The following SLC26A11 variants were observed in gnomAD, a reference collection of about 807,000 sequenced individuals.
SLC26A11 encodes solute carrier family 26 member 11.
In SLC26A11, 58 loss-of-function variants were observed where a neutral mutation model predicts 62.2. The ratio of observed to expected loss-of-function variants is 0.93; its 90% CI spans 0.76 to 1.16. SLC26A11 has a LOEUF of 1.16. Among genes scored for constraint, SLC26A11 ranks in the 50% most tolerant of loss-of-function variants. SLC26A11 has a pLI of 0.00. For missense variants in SLC26A11, 790 were observed against 794.3 expected (o/e 0.99, Z 0.06); for synonymous variants, 411 against 368.9 (o/e 1.11, Z -1.31).
At chr17:80,226,287 TAAG>T (rs1450545492) in intron 6 of SLC26A11, among the ~76,000 whole-genome samples, 1 of 152,142 alleles carries the variant, frequency 6.6e-6, no homozygotes, top group East Asian at 1.9e-4. Flanking sequence ...TGTGATTTGT[TAAG>T]GAGGAGAACA....
chr17:80,235,480 C>G lies in SLC26A11; in HGVS notation c.737-1448C>G, dbSNP rs771073088. 1.6e-3 allele frequency among the ~76,000 whole-genome samples: 251 copies of G among 152,160 alleles called. 2 individuals are homozygous for G. Among genetic ancestry groups the G allele is most frequent in the Non-Finnish European group, 2.7e-3 (182 of 68,034 alleles). On this transcript the variant is annotated intron_variant, in intron 7 of 17. Transcript: ENST00000361193. ...CAAGTTATCATCTCACCTCAGCCCC[C>G]CAAGTAGCTGGGACTATAGGCATAT...
At chr17:80,238,522 CTGTTT>C (rs1235733789) in intron 9 of SLC26A11, among the ~76,000 whole-genome samples, 5 of 152,196 alleles carry the variant, frequency 3.3e-5, no homozygotes, top group Non-Finnish European at 5.9e-5. Context: ...CCTTCAGTGT[CTGTTT>C]TGAGTCAGCA....
chr17:80,235,323 C>G (rs111392274), intron 7 of SLC26A11, among the ~76,000 whole-genome samples: 1 of 151,802 alleles, frequency 6.6e-6, no homozygotes, highest in Non-Finnish European at 1.5e-5. Flanking sequence ...ATTCTGTCAT[C>G]TTTAACTATG....
rs1394625351 is a variant in SLC26A11 at position 80,248,594 on chromosome 17, TGGTCCTGCAGCC to T, written c.1445_1456del (p.Val482_Pro485del). 10 of 1,586,542 alleles carry T rather than the reference TGGTCCTGCAGCC, an allele frequency of 6.3e-6. No individual in the cohort carries two copies. The highest frequency in any genetic ancestry group is 1.3e-5 in the African/African-American group (1 of 74,284). Reference sequence around the variant, plus strand: ...CCACAGGTGTCAGAGGGGCCGGTTCTGGTCCTGCAGCCGGCCAGCGGCCTGTCCTTCCCTGCC... The same window carrying T: ...CCACAGGTGTCAGAGGGGCCGGTTCTGGCCAGCGGCCTGTCCTTCCCTGCC... On this transcript the variant is annotated inframe_deletion, in exon 15 of 18. Coordinates refer to ENST00000361193, the MANE Select transcript of SLC26A11 (RefSeq NM_001166347.2).
At chr17:80,247,268 C>T (rs569711000) in intron 13 of SLC26A11, among the ~76,000 whole-genome samples, 13 of 152,060 alleles carry the variant, frequency 8.5e-5, no homozygotes, top group South Asian at 8.3e-4. Flanking sequence ...GGCAACCATC[C>T]GATTTCTCAA....
Position 80,246,547 on chromosome 17 carries a change from C to T in SLC26A11, c.1192C>T (p.Leu398=), listed in dbSNP as rs770639202. The T allele has an allele frequency of 6.8e-6, 11 of 1,613,410 alleles. No individual in the cohort carries two copies. In the African/African-American group the frequency reaches 8.0e-5, roughly 12 times the overall value. ...GCTGTCTCTGGACTACCTGACCTCA[C>T]TGTTCTACTACATCCCCAAGTCTGC... ...VLLSLDYLTS[L]FYYIPKSALA... Residue 398 remains leucine (L), a synonymous_variant, in exon 13 of 18, where the codon CTG becomes TTG. Transcript: ENST00000361193. This position sits in a 1 kb window ranked among gnomAD's most constrained non-coding sequence, Gnocchi z 4.4.
chr17:80,236,859 T>A, intron 7 of SLC26A11, 69 bp from the exon 8 acceptor site: 1 of 1,528,912 alleles, frequency 6.5e-7, no homozygotes, highest in Non-Finnish European at 8.9e-7. Flanking sequence ...CCCAGTAACC[T>A]GGAGGCAGCC....
chr17:80,244,561 G>A (rs1237926782), intron 10 of SLC26A11, among the ~76,000 whole-genome samples: 3 of 152,238 alleles, frequency 2.0e-5, no homozygotes, highest in Non-Finnish European at 4.4e-5. Context: ...CTAGGATCTT[G>A]CCAGGCATGG....
rs537218999 is a variant in SLC26A11, at chr17:80,246,492, G to A, written c.1154-17G>A. Reference sequence around the variant, plus strand: ...ACCCTGCACTCCCGAGGTCACCTGTGTTCCCGTGCCCCGCAGGAGTGCTGG... The same window carrying A: ...ACCCTGCACTCCCGAGGTCACCTGTATTCCCGTGCCCCGCAGGAGTGCTGG... On this transcript the variant is annotated splice_polypyrimidine_tract_variant and intron_variant, in intron 12 of 17. Transcript: ENST00000361193. The surrounding 1 kb of genome is among the most constrained non-coding windows in gnomAD (Gnocchi z 4.4). 3 of 1,607,994 alleles carry A rather than the reference G, an allele frequency of 1.9e-6. No individual in the cohort carries two copies. Among genetic ancestry groups the A allele is most frequent in the African/African-American group, 2.7e-5 (2 of 75,054 alleles).
chr17:80,232,429 GT>G (rs1210634860), intron 7 of SLC26A11, among the ~76,000 whole-genome samples: 1 of 151,906 alleles, frequency 6.6e-6, no homozygotes, highest in Admixed American at 6.6e-5. Context: ...TAATTTTTGT[GT>G]TTTTAGTAGC....
chr17:80,226,374 A>C (rs1277758754), intron 6 of SLC26A11, among the ~76,000 whole-genome samples: 1 of 152,058 alleles, frequency 6.6e-6, no homozygotes, highest in African/African-American at 2.4e-5. Flanking sequence ...ATGAGAGATG[A>C]GGCGACCCAA....
chr17:80,241,911 A>G, intron 10 of SLC26A11, 90 bp downstream of exon 10: 2 of 1,385,782 alleles, frequency 1.4e-6, no homozygotes, highest in Non-Finnish European at 2.1e-6. Context: ...TTGTAGGAAG[A>G]CCATGATGGT....
chr17:80,222,944 G>GT lies in SLC26A11; in HGVS notation c.427+97_427+98insT, dbSNP rs56237371. On this transcript the variant is annotated intron_variant, in intron 4 of 17. Coordinates refer to ENST00000361193, the MANE Select transcript of SLC26A11 (RefSeq NM_001166347.2). This position sits in a 1 kb window ranked among gnomAD's most constrained non-coding sequence, Gnocchi z 4.7. The stretch of plus-strand genomic sequence containing the variant: ...CCCCGTGTGCGTGTGTGTGCGTGTT[G>GT]GGGTGTGGGTATGTATGTGTGTGTG... 2 of 1,237,312 alleles carry GT rather than the reference G, an allele frequency of 1.6e-6. No individual in the cohort carries two copies. Among genetic ancestry groups the GT allele is most frequent in the Non-Finnish European group, 2.2e-6 (2 of 929,894 alleles). The allele number at this position is 1,237,312 out of a possible 1,614,324, so 76.6% of individuals were successfully genotyped here. A position where few individuals can be genotyped will look rare whatever the true frequency, so the allele number is the denominator to read the frequency against.
At position 80,223,892 on chromosome 17, in the gene SLC26A11, G is replaced by A. The variant is rs1358815904; in HGVS notation, c.513+555G>A. On this transcript the variant is annotated intron_variant, in intron 5 of 17. Coordinates refer to ENST00000361193, the MANE Select transcript of SLC26A11 (RefSeq NM_001166347.2). The surrounding 1 kb of genome is among the most constrained non-coding windows in gnomAD (Gnocchi z 4.6). The stretch of plus-strand genomic sequence containing the variant: ...GTGTAATTTATTCTGTTTTTGCTGG[G>A]TTGTAAGTTCCTCGAGGGTAGGAAC... 1.3e-5 allele frequency among the ~76,000 whole-genome samples: 2 copies of A among 152,126 alleles called. No individual in the cohort carries two copies. The highest frequency in any genetic ancestry group is 2.9e-5 in the Non-Finnish European group (2 of 68,026).
At chr17:80,244,907 G>A (rs953560639) in intron 10 of SLC26A11, among the ~76,000 whole-genome samples, 8 of 150,806 alleles carry the variant, frequency 5.3e-5, no homozygotes, top group African/African-American at 1.7e-4. Flanking sequence ...ACTGGGAGGC[G>A]GAGGCTGCAG....
Position 80,245,232 on chromosome 17 carries a change from A to C in SLC26A11, c.1073A>C (p.Tyr358Ser), listed in dbSNP as rs2042962938. The C allele has an allele frequency of 1.2e-6, 2 of 1,612,934 alleles. No individual in the cohort carries two copies. The highest frequency in any genetic ancestry group is 2.7e-5 in the African/African-American group (2 of 74,490). Reference sequence around the variant, plus strand: ...ATGTTGGGCTCCCTCGTCTCCTCCTACCCGGTCACAGGCAGCTTTGGACGG... The same window carrying C: ...ATGTTGGGCTCCCTCGTCTCCTCCTCCCCGGTCACAGGCAGCTTTGGACGG... ...TNMLGSLVSS[Y>S]PVTGSFGRTA... The change falls in exon 11 of 18, where the codon TAC becomes TCC. Residue 358 changes from tyrosine to serine, a missense_variant. Tyr to Ser is a moderately radical substitution (Grantham distance 144). Transcript: ENST00000361193.
chr17:80,234,478 G>GT (rs548511874), intron 7 of SLC26A11, among the ~76,000 whole-genome samples: 82 of 143,324 alleles, frequency 5.7e-4, no homozygotes, highest in Middle Eastern at 7.1e-3. Flanking sequence ...TTTTTTGTTT[G>GT]TTTGTTTTTT....
chr17:80,238,811 G>GTTTTTTTTTTTTTTTTTTT (rs1276063968), intron 9 of SLC26A11, among the ~76,000 whole-genome samples: 1 of 123,226 alleles, frequency 8.1e-6, no homozygotes, highest in African/African-American at 3.4e-5. Context: ...CTTCAAAGGA[G>GTTTTTTTTTTTTTTTTTTT]TTTTTTTTGT....
At chr17:80,247,240 T>C (rs577729172) in intron 13 of SLC26A11, among the ~76,000 whole-genome samples, 81 of 152,214 alleles carry the variant, frequency 5.3e-4, no homozygotes, top group South Asian at 4.8e-3. Context: ...CCATGTCTAC[T>C]TCTTTCTACA....
Sources: allele counts gnomAD v4.1 joint callset (sites outside exome capture counted in the v4.1 genomes callset), GRCh38; gene constraint gnomAD v4.1.1; non-coding constraint Gnocchi (gnomAD v3.1); transcripts MANE v1.5; gene names NCBI Gene and HGNC (gene_info 2026-07-23, HGNC 2026-07-21).